The following FBXO7 variants were observed in gnomAD, a reference collection of about 807,000 sequenced individuals.
FBXO7 encodes F-box protein 7, also known as F-box only protein 7.
In FBXO7, 31 loss-of-function variants were observed where a neutral mutation model predicts 50.2. The ratio of observed to expected loss-of-function variants is 0.62; its 90% confidence interval spans 0.46 to 0.83. FBXO7 has a LOEUF of 0.83. Among genes scored for constraint, FBXO7 ranks in the 40% least tolerant of loss-of-function variants. The pLI is 0.00. For synonymous variants in FBXO7, 256 were observed against 253.1 expected, an observed-to-expected ratio of 1.01 and a Z score of -0.11; for missense variants, 667 against 646.6, an observed-to-expected ratio of 1.03 and a Z score of -0.34.
At chr22:32,475,284 C>G in intron 1 of FBXO7, 160 bp downstream of exon 1, 2 of 1,593,400 alleles carry the variant, frequency 1.3e-6, no homozygotes, top group East Asian at 2.3e-5. Flanking sequence ...GGCCCGGGCT[C>G]TTCCGGGCGT....
At chr22:32,475,149 G>T in intron 1 of FBXO7, 25 bp downstream of exon 1, 1 of 1,532,276 alleles carries the variant, frequency 6.5e-7, no homozygotes. Context: ...GGGCTGGGCG[G>T]CCCGCGGGGA....
At chr22:32,485,840 G>A (rs1163031836) in intron 4 of FBXO7, among the ~76,000 whole-genome samples, 1 of 152,044 alleles carries the variant, frequency 6.6e-6, no homozygotes, top group African/African-American at 2.4e-5. Context: ...TTTAGTTCAG[G>A]TACCACTTTG....
chr22:32,475,269 C>T (rs1041417152), intron 1 of FBXO7, 145 bp downstream of exon 1: 176 of 1,570,676 alleles, frequency 1.1e-4, no homozygotes, highest in Non-Finnish European at 1.4e-4. Flanking sequence ...GGGGCCTTCA[C>T]GGGAGGCCCG....
At chr22:32,489,411 C>G (rs1423583693) in intron 5 of FBXO7, 1 of 152,220 alleles carries the variant, frequency 6.6e-6, no homozygotes, top group Non-Finnish European at 1.5e-5. Flanking sequence ...AATTCCTTGG[C>G]TACGACACTC....
intron 2 of FBXO7, among the ~76,000 whole-genome samples, chr22:32,482,028 G>C (rs1398577748): frequency 6.6e-6 from 1 of 152,034 alleles, no homozygotes; most frequent in Non-Finnish European, 1.5e-5. Flanking sequence ...CATGTACTCA[G>C]CCTAGGGTAC....
rs201841499 is a variant in FBXO7, at chr22:32,493,204, C to T, written c.1067C>T (p.Ser356Phe). The T allele has an allele frequency of 5.6e-6, 9 of 1,614,146 alleles. No homozygotes were observed. Among genetic ancestry groups the T allele is most frequent in the Non-Finnish European group, 7.6e-6 (9 of 1,180,008 alleles). ...LLDVRSVLSLSAVCRDLFTAS... is the reference protein window; with the variant it reads ...LLDVRSVLSLFAVCRDLFTAS... ...GATGTTCGTTCCGTCTTGTCTTTGTCTGCGGTTTGTCGTGACCTCTTTACT... is the reference window on the plus strand; with the variant it reads ...GATGTTCGTTCCGTCTTGTCTTTGTTTGCGGTTTGTCGTGACCTCTTTACT... The change falls in exon 7 of 9, where the codon TCT becomes TTT. Residue 356 changes from serine (S) to phenylalanine (F), a missense_variant. Ser to Phe is a radical substitution (Grantham distance 155, BLOSUM62 -2). Coordinates refer to ENST00000266087, the MANE Select transcript of FBXO7 (RefSeq NM_012179.4).
At position 32,475,093 on chromosome 22, in the gene FBXO7, AGGCAGTCCCTGCTGTGCACCTGG is replaced by A; in HGVS notation, c.94_116del (p.Gln32ValfsTer4). ...GCTGGGGCATTTGCGCTCGCACCTG[AGGCAGTCCCTGCTGTGCACCTGG>A]GGGTACAGGTACGCTGGGGCCGGGG... On this transcript the variant is annotated frameshift_variant, in exon 1 of 9. Coordinates refer to ENST00000266087, the MANE Select transcript of FBXO7 (RefSeq NM_012179.4). LOFTEE classifies it high-confidence loss of function. The A allele has an allele frequency of 1.3e-6, 2 of 1,545,408 alleles. No individual in the cohort carries two copies. The highest frequency in any genetic ancestry group is 1.7e-6 in the Non-Finnish European group (2 of 1,145,540).
chr22:32,495,399 GT>G, intron 7 of FBXO7, 93 bp from the exon 8 acceptor site: 1 of 714,640 alleles, frequency 1.4e-6, no homozygotes. Context: ...TAACGGGTAA[GT>G]TTCACTTTTC....
chr22:32,478,132 CAT>C (rs1230950083), intron 1 of FBXO7: 1 of 152,152 alleles, frequency 6.6e-6, no homozygotes, highest in Non-Finnish European at 1.5e-5. Context: ...ATGGAAAGCT[CAT>C]GTGAATAGAG....
chr22:32,492,697 G>GCA, intron 6 of FBXO7: 1 of 244,784 alleles, frequency 4.1e-6, no homozygotes, highest in Non-Finnish European at 8.1e-6. Flanking sequence ...TTGTCCAAAG[G>GCA]CACACAGTTA....
chr22:32,497,871 T>G (rs150564534), intron 8 of FBXO7, among the ~76,000 whole-genome samples: 88 of 152,352 alleles, frequency 5.8e-4, no homozygotes, highest in Middle Eastern at 6.8e-3. Context: ...CTCAGGTGAT[T>G]GTTAGCATAT....
chr22:32,476,471 TCTCTTTCAGATTTCTTTTTACAGTTGAGG>T (rs1175366968), intron 1 of FBXO7, among the ~76,000 whole-genome samples: 2 of 152,238 alleles, frequency 1.3e-5, no homozygotes, highest in Non-Finnish European at 2.9e-5. Context: ...CACGTTGGTT[TCTCTTTCAGATTTCTTTTTACAGTTGAGG>T]CTGGTTACCT....
rs5994576 is a variant in FBXO7 at position 32,476,136 on chromosome 22, C to G, written c.122+1012C>G. Among the ~76,000 whole-genome samples the G allele has an allele frequency of 8.0e-3, 1,213 of 152,106 alleles. 19 individuals carry two copies. The highest frequency in any genetic ancestry group is 0.028 in the African/African-American group (1,170 of 41,476). On this transcript the variant is annotated intron_variant, in intron 1 of 8. Coordinates refer to ENST00000266087, the MANE Select transcript of FBXO7 (RefSeq NM_012179.4). ...GGTAAAATGAGGCCGTTATTCTGAA[C>G]TTCTCGCCCTTTCATTTTCCTGGTT...
chr22:32,493,386 C>T (rs2146003312), intron 7 of FBXO7, 105 bp downstream of exon 7: 1 of 892,854 alleles, frequency 1.1e-6, no homozygotes, highest in South Asian at 1.3e-5. Context: ...CAAATGATTA[C>T]AATAAATAGC....
intron 2 of FBXO7, among the ~76,000 whole-genome samples, chr22:32,479,996 A>G (rs1164457252): frequency 6.6e-6 from 1 of 152,214 alleles, no homozygotes; most frequent in African/African-American, 2.4e-5. Flanking sequence ...AAATTTGGAA[A>G]TATGTGTGCT....
Position 32,483,968 on chromosome 22 carries a change from C to T in FBXO7, c.489C>T (p.Phe163=), listed in dbSNP as rs546445157. ...CGCATATGGCAGAGGGCACAGGTTT[C>T]TATCCCTCAGAACCCATGCTCTGTA... ...DNAHMAEGTG[F]YPSEPMLCSE... Residue 163 remains phenylalanine (F), a synonymous_variant, in exon 3 of 9, where the codon TTC becomes TTT. Coordinates refer to ENST00000266087, the MANE Select transcript of FBXO7 (RefSeq NM_012179.4). 2 of 1,614,194 alleles carry T rather than the reference C, an allele frequency of 1.2e-6. No homozygotes were observed. The highest frequency in any genetic ancestry group is 3.3e-5 in the Admixed American group (2 of 60,022).
intron 1 of FBXO7, among the ~76,000 whole-genome samples, chr22:32,476,574 C>A (rs962082487): frequency 2.0e-5 from 3 of 152,032 alleles, no homozygotes; most frequent in Non-Finnish European, 4.4e-5. Flanking sequence ...TACTCATTTT[C>A]TAATAAAGGT....
rs1336674493 is a variant in FBXO7 at position 32,494,156 on chromosome 22, T to A, written c.1144+875T>A. ...TATCATGTAGAGTCATTTGGATTGC[T>A]AAAATTTTTTTTTCTTTTAAAATTT... On this transcript the variant is annotated intron_variant, in intron 7 of 8. Coordinates refer to ENST00000266087, the MANE Select transcript of FBXO7 (RefSeq NM_012179.4). 2.0e-5 allele frequency among the ~76,000 whole-genome samples: 3 copies of A among 150,458 alleles called. No homozygotes were observed. In the East Asian group the frequency reaches 5.9e-4, roughly 29 times the overall value.
intron 5 of FBXO7, chr22:32,490,167 C>T (rs536073849): frequency 1.6e-4 from 24 of 152,222 alleles, no homozygotes. Flanking sequence ...CATAAATTGC[C>T]TACTGATACC....
Sources: allele counts gnomAD v4.1 joint callset (sites outside exome capture counted in the v4.1 genomes callset), GRCh38; gene constraint gnomAD v4.1.1; transcripts MANE v1.5; gene names NCBI Gene and HGNC (gene_info 2026-07-23, HGNC 2026-07-21).